Variants in NLRC4 observed in about 807,000 individuals in gnomAD.
NLRC4 encodes NLR family CARD domain containing 4.
Under a neutral mutation model 79.9 loss-of-function variants are expected in NLRC4, and 63 were observed. The ratio of observed to expected loss-of-function variants is 0.79; its 90% CI spans 0.64 to 0.97. The LOEUF (loss-of-function observed/expected upper bound fraction) is 0.97, where lower values mean the gene tolerates loss of function less well. NLRC4 is among the 50% of genes least tolerant of loss of function. NLRC4 has a pLI of 0.00. For synonymous variants in NLRC4, 461 were observed against 456.5 expected, an observed-to-expected ratio of 1.01 and a Z score of -0.12; for missense variants, 1,074 against 1,215.2, an observed-to-expected ratio of 0.88 and a Z score of 1.73.
intron 4 of NLRC4, among the ~76,000 whole-genome samples, chr2:32,245,834 A>G (rs1476779256): frequency 5.3e-5 from 8 of 152,236 alleles, no homozygotes. Context: ...ATTTGCTTCA[A>G]TAATACCTGT....
chr2:32,259,233 C>T, intron 1 of NLRC4, among the ~76,000 whole-genome samples: 1 of 145,210 alleles, frequency 6.9e-6, no homozygotes, highest in South Asian at 2.1e-4. Flanking sequence ...GTAACTGGGA[C>T]CGCAGGTGTG....
Position 32,224,777 on chromosome 2 carries a change from A to AATAAGTAT in NLRC4, c.2783-20_2783-13dup. ...TCCAAAAAATGCACCTGGGTAAAGA[A>AATAAGTAT]ATAAGTATATTAGTTGGAAGAAAAA... On this transcript the variant is annotated splice_polypyrimidine_tract_variant and intron_variant, in intron 8 of 8. Transcript: ENST00000402280. 6.6e-7 allele frequency: 1 copy of AATAAGTAT among 1,511,360 alleles called. No homozygotes were observed. Among genetic ancestry groups the AATAAGTAT allele is most frequent in the Non-Finnish European group, 8.9e-7 (1 of 1,125,508 alleles). The allele number at this position is 1,511,360 out of a possible 1,614,324, so 93.6% of individuals were successfully genotyped here. A position where few individuals can be genotyped will look rare whatever the true frequency, so the allele number is the denominator to read the frequency against.
At chr2:32,258,586 A>C (rs937961403) in intron 1 of NLRC4, among the ~76,000 whole-genome samples, 3 of 152,234 alleles carry the variant, frequency 2.0e-5, no homozygotes, top group African/African-American at 7.2e-5. Context: ...TCCAGGGTAC[A>C]AAGGGGAAAA....
At position 32,224,746 on chromosome 2, in the gene NLRC4, G is replaced by C. The variant is rs748341490; in HGVS notation, c.2802C>G (p.Asn934Lys). Reference protein sequence around the residue: ...IRILGAFFGKNPLKNFQQLNL... With the variant: ...IRILGAFFGKKPLKNFQQLNL... ...TCAACTGCTGGAAGTTTTTCAGAGG[G>C]TTCTTTCCAAAAAATGCACCTGGGT... is the stretch of plus-strand genomic sequence containing the variant. The change falls in exon 9 of 9, where the codon AAC becomes AAG. Residue 934 changes from asparagine to lysine, a missense_variant. Asn to Lys is a moderately conservative substitution (Grantham distance 94). Coordinates refer to ENST00000402280, the MANE Select transcript of NLRC4 (RefSeq NM_001199138.2). The C allele has an allele frequency of 8.9e-6, 14 of 1,573,406 alleles. No homozygotes were observed. In the South Asian group the frequency reaches 1.7e-4, roughly 19 times the overall value.
chr2:32,231,654 C>G (rs1401043204), intron 8 of NLRC4, among the ~76,000 whole-genome samples: 1 of 151,458 alleles, frequency 6.6e-6, no homozygotes, highest in Non-Finnish European at 1.5e-5. Flanking sequence ...ACTGCAGCCT[C>G]AACTTCCTGA....
intron 8 of NLRC4, among the ~76,000 whole-genome samples, chr2:32,232,808 A>T (rs1413994073): frequency 6.6e-6 from 1 of 152,208 alleles, no homozygotes; most frequent in East Asian, 1.9e-4. Flanking sequence ...TTAGGAGTAG[A>T]TAGAAATACA....
chr2:32,229,995 G>A (rs1264419221), intron 8 of NLRC4, among the ~76,000 whole-genome samples: 1 of 152,178 alleles, frequency 6.6e-6, no homozygotes, highest in Non-Finnish European at 1.5e-5. Context: ...GACTCAGGGA[G>A]AGTTTTATTT....
chr2:32,249,558 T>C, intron 4 of NLRC4, 49 bp downstream of exon 4: 1 of 1,402,946 alleles, frequency 7.1e-7, no homozygotes. Flanking sequence ...TTATACACTG[T>C]TATTTTTTTT....
intron 4 of NLRC4, among the ~76,000 whole-genome samples, chr2:32,248,320 T>C (rs1686986399): frequency 6.6e-6 from 1 of 152,218 alleles, no homozygotes; most frequent in African/African-American, 2.4e-5. Flanking sequence ...ACTCAGTTCC[T>C]GGCCATGACA....
chr2:32,245,781 T>A (rs1324551747), intron 4 of NLRC4, among the ~76,000 whole-genome samples: 1 of 152,138 alleles, frequency 6.6e-6, no homozygotes, highest in Non-Finnish European at 1.5e-5. Context: ...TAGAAAAAAT[T>A]TACCTTATAG....
chr2:32,230,467 C>T (rs995673655), intron 8 of NLRC4, among the ~76,000 whole-genome samples: 2 of 145,318 alleles, frequency 1.4e-5, no homozygotes, highest in Non-Finnish European at 3.0e-5. Flanking sequence ...GCCCAGCCCC[C>T]GCTATTTTTT....
At position 32,252,653 on chromosome 2, in the gene NLRC4, C is replaced by T; in HGVS notation, c.28G>A (p.Ala10Thr). ...GTCATTCCCATTCTTTGAATAAGGG[C>T]TCGGCTATTGTCCTTTATGAAATTC... is the stretch of plus-strand genomic sequence containing the variant. MNFIKDNSRALIQRMGMTVI... is the reference protein window; with the variant it reads MNFIKDNSRTLIQRMGMTVI... Residue 10 changes from alanine to threonine, a missense_variant, in exon 3 of 9, where the codon GCC (alanine) becomes ACC (threonine). By Grantham distance (58) the Ala-to-Thr change is moderately conservative. Coordinates refer to ENST00000402280, the MANE Select transcript of NLRC4 (RefSeq NM_001199138.2). 6.2e-7 allele frequency: 1 copy of T among 1,613,472 alleles called. No individual in the cohort carries two copies. Among genetic ancestry groups the T allele is most frequent in the East Asian group, 2.2e-5 (1 of 44,882 alleles).
chr2:32,252,941 C>G (rs926966674), intron 2 of NLRC4, among the ~76,000 whole-genome samples: 1 of 151,884 alleles, frequency 6.6e-6, no homozygotes, highest in African/African-American at 2.4e-5. Flanking sequence ...TGGCGTGAAC[C>G]CAGGAGGCGG....
chr2:32,255,926 A>C (rs1687197756), intron 2 of NLRC4, among the ~76,000 whole-genome samples: 1 of 152,060 alleles, frequency 6.6e-6, no homozygotes, highest in Non-Finnish European at 1.5e-5. Flanking sequence ...AGGCAGAAGC[A>C]TCGCTTGAAC....
chr2:32,243,901 G>T (rs1686868589), intron 4 of NLRC4, among the ~76,000 whole-genome samples: 1 of 151,838 alleles, frequency 6.6e-6, no homozygotes, highest in Admixed American at 6.6e-5. Context: ...CATTATATTG[G>T]CAGTCTAAAA....
At chr2:32,229,931 G>C (rs1409002100) in intron 8 of NLRC4, among the ~76,000 whole-genome samples, 1 of 152,174 alleles carries the variant, frequency 6.6e-6, no homozygotes, top group African/African-American at 2.4e-5. Context: ...TTGTTTTAGA[G>C]CTTTTACCTT....
rs371892451 is a variant in NLRC4 at position 32,235,710 on chromosome 2, G to GT, written c.2615-143dup. ...GTAATGAGAATCTACTTAATTTTTG[G>GT]TTTTTTTTTGGAAAGTATTCAAGCA... On this transcript the variant is annotated intron_variant, in intron 7 of 8. Transcript: ENST00000402280. The GT allele has an allele frequency of 0.073, 43,791 of 603,402 alleles. 1,271 individuals carry two copies. The highest frequency in any genetic ancestry group is 0.092 in the Non-Finnish European group (32,857 of 356,894). 37.4% of individuals were successfully genotyped at this position (603,402 alleles called of 1,614,324 possible). A position where few individuals can be genotyped will look rare whatever the true frequency, so the allele number is the denominator to read the frequency against.
In NLRC4 at chr2:32,250,928, C is replaced by G; in HGVS notation, c.936G>C (p.Val312=). ...EDSAQALIRE[V]LIKELAEGLL... ...AGCCTTCAGCAAGCTCCTTGATCAG[C>G]ACTTCTCGGATGAGAGCCTGGGCGC... The change falls in exon 4 of 9, where the codon GTG becomes GTC. Residue 312 remains valine (V), a synonymous_variant. Transcript: ENST00000402280. The surrounding 1 kb of genome is among the most constrained non-coding windows in gnomAD (Gnocchi z 4.9). 2.5e-6 allele frequency: 4 copies of G among 1,613,968 alleles called. No individual in the cohort carries two copies. Among genetic ancestry groups the G allele is most frequent in the Non-Finnish European group, 3.4e-6 (4 of 1,180,012 alleles).
In NLRC4 at chr2:32,241,028, C is replaced by G; in HGVS notation, c.2350+5G>C. On this transcript the variant is annotated splice_donor_5th_base_variant and intron_variant, in intron 5 of 8. Coordinates refer to ENST00000402280, the MANE Select transcript of NLRC4 (RefSeq NM_001199138.2). ...TTGATACAAATATGAGAACAGAAATCTGACCTAGTTTTATAGCATCTTCTT... is the reference window on the plus strand; with the variant it reads ...TTGATACAAATATGAGAACAGAAATGTGACCTAGTTTTATAGCATCTTCTT... 6.5e-7 allele frequency: 1 copy of G among 1,536,138 alleles called. No homozygotes were observed. Among genetic ancestry groups the G allele is most frequent in the Non-Finnish European group, 9.0e-7 (1 of 1,110,484 alleles).
Sources: gnomAD v4.1 joint callset for allele counts (sites outside exome capture counted in the v4.1 genomes callset) on GRCh38, gnomAD v4.1.1 for gene constraint, Gnocchi (gnomAD v3.1) non-coding constraint, MANE v1.5 for transcripts, NCBI Gene and HGNC (gene_info 2026-07-23, HGNC 2026-07-21) for gene names.